HDX: variants seen among roughly 807,000 people sequenced by gnomAD.
HDX encodes the protein chromosome X open reading frame 43.
Under a neutral mutation model 45.2 loss-of-function variants are expected in HDX, and 19 were observed. The ratio of observed to expected loss-of-function variants is 0.42; its 90% CI spans 0.29 to 0.62. The LOEUF is 0.62. Among genes scored for constraint, HDX ranks in the 20% least tolerant of loss-of-function variants. The pLI, the probability that HDX is intolerant of heterozygous loss-of-function variation, is 0.20. For missense variants in HDX, 532 were observed against 493.9 expected (o/e 1.08, Z -0.73); for synonymous variants, 188 against 172.8 (o/e 1.09, Z -0.69).
At chrX:84,456,473 G>A (rs1375127022) in intron 4 of HDX, among the ~76,000 whole-genome samples, 1 of 111,029 alleles carries the variant, frequency 9.0e-6, no homozygotes, top group East Asian at 2.8e-4. Context: ...AGAAAAGAAA[G>A]AGAAGACCAC....
chrX:84,366,355 G>A (rs776428953), intron 5 of HDX, among the ~76,000 whole-genome samples: 1 of 111,798 alleles, frequency 8.9e-6, no homozygotes, highest in African/African-American at 3.2e-5. Context: ...AATGAAAAAC[G>A]TTCCATGCTC....
intron 9 of HDX, among the ~76,000 whole-genome samples, chrX:84,329,649 T>C (rs970054798): frequency 1.1e-4 from 12 of 112,209 alleles, no homozygotes; most frequent in African/African-American, 3.9e-4. Context: ...TTTAACTGTA[T>C]ACTTAAGAAG....
At chrX:84,462,859 A>C (rs2040269212) in intron 4 of HDX, among the ~76,000 whole-genome samples, 1 of 111,588 alleles carries the variant, frequency 9.0e-6, no homozygotes, top group Non-Finnish European at 1.9e-5. Context: ...AATATGAAGT[A>C]TTAATGCATG....
intron 5 of HDX, among the ~76,000 whole-genome samples, chrX:84,419,039 A>C (rs1443958811): frequency 8.9e-6 from 1 of 112,074 alleles, no homozygotes; most frequent in African/African-American, 3.2e-5. Context: ...CATAGGCCAG[A>C]AAAGAATATG....
chrX:84,494,888 C>T (rs2040967775), intron 1 of HDX, among the ~76,000 whole-genome samples: 1 of 111,396 alleles, frequency 9.0e-6, no homozygotes, highest in African/African-American at 3.3e-5. Context: ...ATCTGCACTC[C>T]CATGTTCACT....
chrX:84,459,510 A>G (rs2040191978), intron 4 of HDX, among the ~76,000 whole-genome samples: 1 of 111,551 alleles, frequency 9.0e-6, no homozygotes, highest in South Asian at 3.7e-4. Context: ...TGAAAATGAT[A>G]AAACAACACA....
chrX:84,328,361 C>T (rs185325063), intron 9 of HDX, among the ~76,000 whole-genome samples: 1 of 110,354 alleles, frequency 9.1e-6, no homozygotes, highest in South Asian at 3.9e-4. Context: ...GACAGTGAGA[C>T]CCTATGTCAA....
chrX:84,434,693 T>A (rs768122424), intron 5 of HDX, among the ~76,000 whole-genome samples: 6 of 111,771 alleles, frequency 5.4e-5, no homozygotes, highest in Non-Finnish European at 7.5e-5. Context: ...TAGAATATGA[T>A]AGGAAGAGTT....
intron 5 of HDX, among the ~76,000 whole-genome samples, chrX:84,428,642 T>A (rs925197688): frequency 9.0e-6 from 1 of 111,203 alleles, no homozygotes; most frequent in Non-Finnish European, 1.9e-5. Flanking sequence ...CATAGATGTA[T>A]TTTAACAGGT....
chrX:84,453,144 T>C (rs1486811596), intron 4 of HDX, among the ~76,000 whole-genome samples: 1 of 112,196 alleles, frequency 8.9e-6, no homozygotes, highest in Non-Finnish European at 1.9e-5. Context: ...AAAAATTGGC[T>C]AATTAGAGAA....
chrX:84,382,928 C>T (rs888431650), intron 5 of HDX, among the ~76,000 whole-genome samples: 3 of 111,060 alleles, frequency 2.7e-5, no homozygotes, highest in Non-Finnish European at 5.7e-5. Context: ...GCTTATTTCA[C>T]GTTGCATGCC....
intron 5 of HDX, among the ~76,000 whole-genome samples, chrX:84,427,779 G>A (rs1372209563): frequency 3.6e-5 from 4 of 111,342 alleles, no homozygotes; most frequent in Non-Finnish European, 7.6e-5. Flanking sequence ...ACAAGGCTTT[G>A]TATGGATATG....
At chrX:84,485,244 T>A (rs923957936) in intron 2 of HDX, among the ~76,000 whole-genome samples, 5 of 112,007 alleles carry the variant, frequency 4.5e-5, no homozygotes, top group African/African-American at 9.7e-5. Flanking sequence ...TCTAAAAATG[T>A]CAATTAGGTC....
chrX:84,359,085 C>A (rs945246444), intron 6 of HDX, among the ~76,000 whole-genome samples: 4 of 110,921 alleles, frequency 3.6e-5, no homozygotes, highest in Admixed American at 9.6e-5. Context: ...GAATTGATTG[C>A]TAAGTACTTA....
rs2036971080 is a variant in HDX at position 84,336,695 on chromosome X, G to T, written c.1740+106C>A. 7.2e-6 allele frequency: 4 copies of T among 552,256 alleles called. No individual in the cohort carries two copies. In the African/African-American group the frequency reaches 9.7e-5, roughly 13 times the overall value. 45.5% of individuals were successfully genotyped at this position (552,256 alleles called of 1,213,427 possible). On this transcript the variant is annotated intron_variant, in intron 8 of 10. Coordinates refer to ENST00000373177, the MANE Select transcript of HDX (RefSeq NM_001177479.2). ...TGGAAAGAGGTCTGTTTTGGTTTGT[G>T]AAGTGGAGCAAGACTTTATTCTGAA...
chrX:84,413,483 G>C (rs1303137753), intron 5 of HDX, among the ~76,000 whole-genome samples: 1 of 111,428 alleles, frequency 9.0e-6, no homozygotes, highest in Non-Finnish European at 1.9e-5. Context: ...GCCCCTGGCT[G>C]TTCTCTGGCC....
rs369398666 is a variant in HDX, at chrX:84,459,671, T to C, written c.1251+8801A>G. Among the ~76,000 whole-genome samples the C allele has an allele frequency of 3.2e-3, 305 of 96,411 alleles. 1 individual carries two copies. The highest frequency in any genetic ancestry group is 7.1e-3 in the South Asian group (15 of 2,112). 83.7% of individuals were successfully genotyped at this position (96,411 alleles called of 115,157 possible). On this transcript the variant is annotated intron_variant, in intron 4 of 10. Coordinates refer to ENST00000373177, the MANE Select transcript of HDX (RefSeq NM_001177479.2). The stretch of plus-strand genomic sequence containing the variant: ...AAAGAGCAAACAAAACCCAAAGTTA[T>C]TAGAAAAAAAAAATAAAAATCAGAG...
Position 84,434,715 on chromosome X carries a change from G to A in HDX, c.1305+5817C>T, listed in dbSNP as rs985498688. On this transcript the variant is annotated intron_variant, in intron 5 of 10. Transcript: ENST00000373177. ...TGATAGGAAGAGTTATCTCCACTTCGATGTTTTGGTATAGTTTGAGAATAA... is the reference window on the plus strand; with the variant it reads ...TGATAGGAAGAGTTATCTCCACTTCAATGTTTTGGTATAGTTTGAGAATAA... Among the ~76,000 whole-genome samples the A allele has an allele frequency of 4.5e-5, 5 of 111,416 alleles. No individual in the cohort carries two copies. The East Asian group carries it at 8.5e-4, about 19-fold the overall frequency.
chrX:84,487,322 T>C (rs753739682), intron 2 of HDX, among the ~76,000 whole-genome samples: 1 of 112,264 alleles, frequency 8.9e-6, no homozygotes, highest in Admixed American at 9.4e-5. Flanking sequence ...CTGGGTCATA[T>C]TGGTGTTGGC....
Sources: gnomAD v4.1 joint callset for allele counts (sites outside exome capture counted in the v4.1 genomes callset) on GRCh38, gnomAD v4.1.1 for gene constraint, MANE v1.5 for transcripts, NCBI Gene and HGNC (gene_info 2026-07-23, HGNC 2026-07-21) for gene names.